Variants in ANKFY1 observed in about 807,000 individuals in gnomAD.
ANKFY1 encodes the protein ankyrin repeat and FYVE domain-containing protein 1.
A neutral mutation model predicts 128.3 loss-of-function variants in ANKFY1; 47 were observed. The observed-to-expected ratio is 0.37, with a 90% CI of 0.29 to 0.47. ANKFY1 has a LOEUF of 0.47. Ranked by LOEUF, ANKFY1 falls within the 20% of genes least tolerant of loss-of-function variation. The pLI is 1.00. For missense variants in ANKFY1, 1,222 were observed against 1,510.6 expected (o/e 0.81, Z 3.17); for synonymous variants, 553 against 601.6 (o/e 0.92, Z 1.18).
In ANKFY1 at chr17:4,254,010, T is replaced by C. The variant is rs532187317; in HGVS notation, c.10+9922A>G. On this transcript the variant is annotated intron_variant, in intron 1 of 24. Transcript: ENST00000341657. ...GCACGTAACTGTTCATGTATCCTTG[T>C]AAGAGGGAGCAGGGGCTGGCCGCGG... 1.5e-4 allele frequency among the ~76,000 whole-genome samples: 23 copies of C among 152,154 alleles called. No individual in the cohort carries two copies. In the East Asian group the frequency reaches 3.7e-3, roughly 24 times the overall value.
chr17:4,198,878 C>A (rs2059876684), intron 7 of ANKFY1, among the ~76,000 whole-genome samples: 1 of 152,098 alleles, frequency 6.6e-6, no homozygotes, highest in African/African-American at 2.4e-5. Context: ...CTACCTAGGA[C>A]AATTTACAGA....
intron 7 of ANKFY1, among the ~76,000 whole-genome samples, chr17:4,199,373 G>C (rs1268692988): frequency 6.6e-6 from 1 of 152,098 alleles, no homozygotes; most frequent in African/African-American, 2.4e-5. Context: ...TATATTTTTA[G>C]TAGAGATGGG....
At chr17:4,217,803 A>G (rs1459181311) in intron 3 of ANKFY1, among the ~76,000 whole-genome samples, 3 of 152,032 alleles carry the variant, frequency 2.0e-5, no homozygotes, top group Non-Finnish European at 4.4e-5. Context: ...CTTACACCTC[A>G]GCCTCCCGAG....
chr17:4,233,892 GAT>G (rs533619619), intron 3 of ANKFY1, among the ~76,000 whole-genome samples: 225 of 152,312 alleles, frequency 1.5e-3, no homozygotes, highest in Non-Finnish European at 2.0e-3. Flanking sequence ...TCTGAACAAA[GAT>G]ATAATTCACA....
intron 11 of ANKFY1, 42 bp downstream of exon 11, chr17:4,189,340 A>G (rs2059670447): frequency 6.6e-7 from 1 of 1,509,182 alleles, no homozygotes; most frequent in Admixed American, 2.0e-5. Flanking sequence ...CATTTCTTCC[A>G]TAGATCAACA....
chr17:4,192,538 G>A (rs535023236), intron 10 of ANKFY1, among the ~76,000 whole-genome samples: 3 of 147,820 alleles, frequency 2.0e-5, no homozygotes, highest in Non-Finnish European at 4.5e-5. Context: ...GTTGATGGTT[G>A]CTCTAATCTG....
In ANKFY1 at chr17:4,249,385, G is replaced by C. The variant is rs78655195; in HGVS notation, c.11-6937C>G. 9.3e-3 allele frequency among the ~76,000 whole-genome samples: 1,417 copies of C among 152,094 alleles called. 13 individuals carry two copies. Among genetic ancestry groups the C allele is most frequent in the Non-Finnish European group, 0.015 (1,019 of 68,004 alleles). On this transcript the variant is annotated intron_variant, in intron 1 of 24. Coordinates refer to ENST00000341657, the MANE Select transcript of ANKFY1 (RefSeq NM_001330063.2). The stretch of plus-strand genomic sequence containing the variant: ...ATTGTTTTGATTTTTCTTCAACCAG[G>C]TTAAAATATTTAAAATATAGTTAAT...
intron 7 of ANKFY1, among the ~76,000 whole-genome samples, chr17:4,202,872 T>A (rs1311207304): frequency 2.0e-5 from 3 of 150,054 alleles, no homozygotes; most frequent in Non-Finnish European, 4.4e-5. Flanking sequence ...TAAAAAAAAA[T>A]TTTATATCTT....
intron 17 of ANKFY1, chr17:4,179,516 GA>G (rs1467403104): frequency 1.5e-6 from 1 of 652,918 alleles, no homozygotes; most frequent in African/African-American, 1.8e-5. Context: ...AGAAAGAGCT[GA>G]AACAAATCTT....
At chr17:4,187,224 T>C (rs2059628430) in intron 11 of ANKFY1, 2 of 402,082 alleles carry the variant, frequency 5.0e-6, no homozygotes, top group East Asian at 3.6e-5. Context: ...ACAGCTCTCT[T>C]GCCCTCGCTT....
chr17:4,251,535 T>TAAAAAAAAAAA (rs71144176), intron 1 of ANKFY1, among the ~76,000 whole-genome samples: 10 of 130,864 alleles, frequency 7.6e-5, no homozygotes, highest in Non-Finnish European at 9.9e-5. Flanking sequence ...AAATAAAAAT[T>TAAAAAAAAAAA]AAAAAAAAAA....
chr17:4,209,624 T>G (rs1272375861), intron 5 of ANKFY1, among the ~76,000 whole-genome samples, 200 bp downstream of exon 5: 1 of 152,182 alleles, frequency 6.6e-6, no homozygotes, highest in Non-Finnish European at 1.5e-5. Context: ...CTTTTGTCCT[T>G]TGGCTCCGAA....
rs1340274532 is a variant in ANKFY1, at chr17:4,203,834, AAAAAAAAAAAG to A, written c.898+2476_898+2486del. 1.1e-4 allele frequency among the ~76,000 whole-genome samples: 15 copies of A among 139,850 alleles called. No individual in the cohort carries two copies. The East Asian group carries it at 2.4e-3, about 22-fold the overall frequency. The allele number at this position is 139,850 out of a possible 152,430, so 91.7% of individuals were successfully genotyped here. On this transcript the variant is annotated intron_variant, in intron 7 of 24. Coordinates refer to ENST00000341657, the MANE Select transcript of ANKFY1 (RefSeq NM_001330063.2). ...CCGTCTCAACAACAACAACAAAAAA[AAAAAAAAAAAG>A]AAAGAAAGAAAGAAAAAAGAAACCC...
intron 3 of ANKFY1, among the ~76,000 whole-genome samples, chr17:4,229,684 A>G (rs993719405): frequency 6.6e-5 from 10 of 152,256 alleles, no homozygotes; most frequent in African/African-American, 2.4e-4. Context: ...ACCGCAGATA[A>G]AATAGATTAT....
chr17:4,168,306 TA>T (rs1427193223), intron 24 of ANKFY1: 1 of 158,434 alleles, frequency 6.3e-6, no homozygotes, highest in Non-Finnish European at 1.4e-5. Context: ...ATACAAAAAT[TA>T]GCTGGGCGTG....
At chr17:4,224,650 ATGGAAAACTGTTTGTT>A (rs2060392156) in intron 3 of ANKFY1, among the ~76,000 whole-genome samples, 2 of 141,670 alleles carry the variant, frequency 1.4e-5, no homozygotes, top group South Asian at 2.3e-4. Context: ...CTGCCCTTGC[ATGGAAAACTGTTTGTT>A]TGTTTTTTTT....
chr17:4,239,370 G>C (rs958179252), intron 2 of ANKFY1, among the ~76,000 whole-genome samples: 2 of 152,148 alleles, frequency 1.3e-5, no homozygotes, highest in African/African-American at 4.8e-5. Context: ...GGAAAAAAAA[G>C]ACGATGGATT....
chr17:4,200,558 C>T (rs2059909888), intron 7 of ANKFY1, among the ~76,000 whole-genome samples: 1 of 152,168 alleles, frequency 6.6e-6, no homozygotes, highest in African/African-American at 2.4e-5. Context: ...AAATCACATC[C>T]TTCTTCAGCT....
At chr17:4,190,301 C>A (rs994608299) in intron 10 of ANKFY1, among the ~76,000 whole-genome samples, 1 of 152,106 alleles carries the variant, frequency 6.6e-6, no homozygotes, top group African/African-American at 2.4e-5. Flanking sequence ...ATTAGCCAGG[C>A]TTGGTGGTGC....
Sources: allele counts gnomAD v4.1 joint callset (sites outside exome capture counted in the v4.1 genomes callset), GRCh38; gene constraint gnomAD v4.1.1; transcripts MANE v1.5; gene names NCBI Gene and HGNC (gene_info 2026-07-23, HGNC 2026-07-21).